The following GALNTL6 variants were observed in gnomAD, a reference collection of about 807,000 sequenced individuals.
GALNTL6 encodes polypeptide N-acetylgalactosaminyltransferase-like 6.
Under a neutral mutation model 73.7 loss-of-function variants are expected in GALNTL6, and 46 were observed. The observed-to-expected ratio is 0.62, with a 90% CI of 0.49 to 0.80. The LOEUF is 0.80. GALNTL6 is among the 30% of genes least tolerant of loss of function. The probability of loss-of-function intolerance (pLI) is 0.00; values close to 1 mark genes in which losing one functional copy is unlikely to be tolerated. For missense variants in GALNTL6, 604 were observed against 755.0 expected (o/e 0.80, Z 2.34); for synonymous variants, 259 against 263.7 (o/e 0.98, Z 0.17).
intron 2 of GALNTL6, among the ~76,000 whole-genome samples, chr4:172,138,163 A>G (rs1313756153): frequency 6.6e-6 from 1 of 152,070 alleles, no homozygotes; most frequent in Admixed American, 6.6e-5. Flanking sequence ...TGATTGGTTG[A>G]AAAAACTTAT....
At position 172,129,645 on chromosome 4, in the gene GALNTL6, C is replaced by G. The variant is rs549329339; in HGVS notation, c.139-100011C>G. ...AAAATGTTAACCCAGGCATACAGATCGAACAAAATATTAAACATGTGTGGA... is the reference window on the plus strand; with the variant it reads ...AAAATGTTAACCCAGGCATACAGATGGAACAAAATATTAAACATGTGTGGA... On this transcript the variant is annotated intron_variant, in intron 2 of 12. Coordinates refer to ENST00000506823, the MANE Select transcript of GALNTL6 (RefSeq NM_001034845.3). Among the ~76,000 whole-genome samples, 17 of 152,132 alleles carry G rather than the reference C, an allele frequency of 1.1e-4. No individual in the cohort carries two copies. In the East Asian group the frequency reaches 3.3e-3, roughly 29 times the overall value.
At chr4:172,798,517 G>A (rs1740415775) in intron 5 of GALNTL6, among the ~76,000 whole-genome samples, 1 of 152,062 alleles carries the variant, frequency 6.6e-6, no homozygotes, top group Non-Finnish European at 1.5e-5. Context: ...GTTTCCTGAG[G>A]CTTCCCTAGC....
intron 2 of GALNTL6, among the ~76,000 whole-genome samples, chr4:172,176,659 C>T (rs181212201): frequency 6.6e-6 from 1 of 151,942 alleles, no homozygotes; most frequent in Non-Finnish European, 1.5e-5. Flanking sequence ...CATGGTGGTG[C>T]ATGCCTGTAG....
At chr4:172,141,833 A>G (rs913224420) in intron 2 of GALNTL6, among the ~76,000 whole-genome samples, 2 of 151,900 alleles carry the variant, frequency 1.3e-5, no homozygotes, top group Non-Finnish European at 2.9e-5. Flanking sequence ...TCTATCTGAT[A>G]GCTGATAATA....
chr4:172,176,457 A>T (rs1166105827), intron 2 of GALNTL6, among the ~76,000 whole-genome samples: 2 of 152,032 alleles, frequency 1.3e-5, no homozygotes, highest in Non-Finnish European at 2.9e-5. Flanking sequence ...TGAAGACTTT[A>T]AATACTGTAA....
intron 3 of GALNTL6, 126 bp from the exon 4 acceptor site, chr4:172,311,488 T>G: frequency 1.7e-6 from 1 of 590,022 alleles, no homozygotes. Flanking sequence ...TAATAAAATC[T>G]TAGTACTAGC....
At chr4:171,901,220 T>C (rs957555281) in intron 2 of GALNTL6, among the ~76,000 whole-genome samples, 1 of 152,068 alleles carries the variant, frequency 6.6e-6, no homozygotes, top group African/African-American at 2.4e-5. Flanking sequence ...TTAAGAAGAT[T>C]GGGAAGGCAA....
intron 2 of GALNTL6, among the ~76,000 whole-genome samples, chr4:171,883,953 G>A (rs1189905961): frequency 6.6e-6 from 1 of 152,042 alleles, no homozygotes; most frequent in Non-Finnish European, 1.5e-5. Context: ...AGACATATAT[G>A]TGCTTTTCTT....
chr4:171,989,255 G>A (rs1740244926), intron 2 of GALNTL6, among the ~76,000 whole-genome samples: 1 of 152,180 alleles, frequency 6.6e-6, no homozygotes, highest in Admixed American at 6.5e-5. Flanking sequence ...GTCCGTGATG[G>A]TCTAGGGGGC....
chr4:172,010,828 A>C (rs981695744), intron 2 of GALNTL6, among the ~76,000 whole-genome samples: 4 of 152,010 alleles, frequency 2.6e-5, no homozygotes, highest in Non-Finnish European at 4.4e-5. Context: ...GCTTGTGAAA[A>C]CTGTTGACAC....
intron 7 of GALNTL6, among the ~76,000 whole-genome samples, chr4:172,858,244 T>C (rs992372729): frequency 1.1e-4 from 17 of 152,290 alleles, no homozygotes; most frequent in African/African-American, 3.4e-4. Context: ...TATCATTATG[T>C]CCAGAGCTGA....
intron 2 of GALNTL6, among the ~76,000 whole-genome samples, chr4:171,919,006 G>A (rs1229197663): frequency 6.6e-6 from 1 of 152,042 alleles, no homozygotes; most frequent in African/African-American, 2.4e-5. Context: ...GAAAGTTACT[G>A]TACTAATCAA....
At position 172,047,245 on chromosome 4, in the gene GALNTL6, A is replaced by T. The variant is rs144625729; in HGVS notation, c.139-182411A>T. ...ATTGAGGCAGCGGCTCTCAAACCTA[A>T]TTTTTCCATTCAGTTTTACTTTCTA... On this transcript the variant is annotated intron_variant, in intron 2 of 12. Transcript: ENST00000506823. 3.8e-3 allele frequency among the ~76,000 whole-genome samples: 582 copies of T among 152,176 alleles called. 3 individuals are homozygous for T. The highest frequency in any genetic ancestry group is 0.013 in the African/African-American group (546 of 41,518).
intron 2 of GALNTL6, among the ~76,000 whole-genome samples, chr4:171,975,720 G>A (rs970758028): frequency 2.0e-5 from 3 of 152,128 alleles, no homozygotes; most frequent in South Asian, 4.1e-4. Context: ...TCTATTTTAG[G>A]TAGTACCTTT....
intron 5 of GALNTL6, among the ~76,000 whole-genome samples, chr4:172,568,628 G>C (rs1203859271): frequency 1.3e-5 from 2 of 151,120 alleles, no homozygotes; most frequent in African/African-American, 4.9e-5. Context: ...CGTGATGGTG[G>C]GCGCCTGTAG....
intron 2 of GALNTL6, among the ~76,000 whole-genome samples, chr4:172,192,810 G>T (rs1735627223): frequency 6.6e-6 from 1 of 152,144 alleles, no homozygotes; most frequent in African/African-American, 2.4e-5. Context: ...AACAAGTTGG[G>T]GGGAAGGGGT....
intron 2 of GALNTL6, among the ~76,000 whole-genome samples, chr4:172,084,679 T>A (rs1412764706): frequency 6.6e-6 from 1 of 152,190 alleles, no homozygotes; most frequent in Non-Finnish European, 1.5e-5. Flanking sequence ...GTCATTTTTT[T>A]AAATAGCCCA....
At chr4:172,871,793 G>T (rs1026516686) in intron 7 of GALNTL6, among the ~76,000 whole-genome samples, 78 of 56,412 alleles carry the variant, frequency 1.4e-3, no homozygotes, top group South Asian at 9.9e-3. Flanking sequence ...GTTTTTTGGG[G>T]TTTTTTTGGT....
intron 10 of GALNTL6, among the ~76,000 whole-genome samples, chr4:172,997,781 A>G (rs763919765): frequency 2.6e-5 from 4 of 152,170 alleles, no homozygotes; most frequent in Non-Finnish European, 4.4e-5. Context: ...GGAGATGGAC[A>G]CCGTAAATAC....
Sources: gnomAD v4.1 joint callset for allele counts (sites outside exome capture counted in the v4.1 genomes callset) on GRCh38, gnomAD v4.1.1 for gene constraint, MANE v1.5 for transcripts, NCBI Gene and HGNC (gene_info 2026-07-23, HGNC 2026-07-21) for gene names.